Variants in SLC24A3 observed in about 807,000 individuals in gnomAD.
SLC24A3 encodes the protein solute carrier family 24 member 3.
A neutral mutation model predicts 75.8 loss-of-function variants in SLC24A3; 28 were observed. The ratio of observed to expected loss-of-function variants is 0.37; its 90% CI spans 0.27 to 0.51. The LOEUF is 0.51. SLC24A3 is among the 20% of genes least tolerant of loss of function. The pLI is 0.94. For synonymous variants in SLC24A3, 372 were observed against 334.1 expected (o/e 1.11, Z -1.24); for missense variants, 663 against 847.8 (o/e 0.78, Z 2.71).
At chr20:19,310,220 C>T (rs1344771423) in intron 2 of SLC24A3, among the ~76,000 whole-genome samples, 1 of 152,172 alleles carries the variant, frequency 6.6e-6, no homozygotes, top group Non-Finnish European at 1.5e-5. Flanking sequence ...ACATTCTAAA[C>T]CCTTGCTACT....
At chr20:19,692,709 A>T (rs922899348) in intron 12 of SLC24A3, among the ~76,000 whole-genome samples, 5 of 152,184 alleles carry the variant, frequency 3.3e-5, no homozygotes, top group African/African-American at 1.2e-4. Flanking sequence ...ATTAGCAGTT[A>T]ATCAGGTTAG....
chr20:19,467,710 A>G (rs1286015717), intron 2 of SLC24A3, among the ~76,000 whole-genome samples: 3 of 152,036 alleles, frequency 2.0e-5, no homozygotes, highest in Non-Finnish European at 2.9e-5. Flanking sequence ...GTGAAACCCC[A>G]TCTCCACTAA....
chr20:19,349,983 G>T (rs1469228079), intron 2 of SLC24A3, among the ~76,000 whole-genome samples: 7 of 152,252 alleles, frequency 4.6e-5, no homozygotes, highest in Middle Eastern at 3.4e-3. Context: ...TGTAAATGGC[G>T]TGTCCAACCA....
At chr20:19,261,431 T>G (rs1408213382) in intron 1 of SLC24A3, among the ~76,000 whole-genome samples, 3 of 152,132 alleles carry the variant, frequency 2.0e-5, no homozygotes, top group Non-Finnish European at 4.4e-5. Context: ...AGCCTCGAAC[T>G]CCTGGGCTCA....
At chr20:19,524,646 A>G (rs958340931) in intron 3 of SLC24A3, among the ~76,000 whole-genome samples, 5 of 152,024 alleles carry the variant, frequency 3.3e-5, no homozygotes, top group Non-Finnish European at 7.4e-5. Context: ...TACTCAGTCC[A>G]CCTGTTCCCC....
chr20:19,582,550 G>C (rs1023350190), intron 4 of SLC24A3, among the ~76,000 whole-genome samples: 6 of 152,222 alleles, frequency 3.9e-5, no homozygotes, highest in Non-Finnish European at 8.8e-5. Flanking sequence ...AATGATCCAG[G>C]ATCCGAAACT....
Position 19,411,910 on chromosome 20 carries a change from C to T in SLC24A3, c.272-103578C>T, listed in dbSNP as rs553223739. Among the ~76,000 whole-genome samples, 13 of 152,192 alleles carry T rather than the reference C, an allele frequency of 8.5e-5. No individual in the cohort carries two copies. The South Asian group carries it at 1.2e-3, about 15-fold the overall frequency. Reference sequence around the variant, plus strand: ...TCCTTTGTGTTCATCTCAGGACTGTCGGCATGTCAGAAATTCACAATGTGA... The same window carrying T: ...TCCTTTGTGTTCATCTCAGGACTGTTGGCATGTCAGAAATTCACAATGTGA... On this transcript the variant is annotated intron_variant, in intron 2 of 16. Coordinates refer to ENST00000328041, the MANE Select transcript of SLC24A3 (RefSeq NM_020689.4).
At chr20:19,449,004 T>C (rs1461341205) in intron 2 of SLC24A3, among the ~76,000 whole-genome samples, 1 of 152,092 alleles carries the variant, frequency 6.6e-6, no homozygotes, top group Non-Finnish European at 1.5e-5. Context: ...GATGGACACA[T>C]GTAGGGACCT....
chr20:19,476,162 G>A (rs1039505985), intron 2 of SLC24A3, among the ~76,000 whole-genome samples: 1 of 152,194 alleles, frequency 6.6e-6, no homozygotes, highest in Non-Finnish European at 1.5e-5. Flanking sequence ...TGTCTTCCTT[G>A]CTGGTGTTGC....
chr20:19,579,766 A>G (rs1043787245), intron 3 of SLC24A3, among the ~76,000 whole-genome samples: 4 of 152,224 alleles, frequency 2.6e-5, no homozygotes, highest in African/African-American at 9.6e-5. Context: ...ACAGGAATCC[A>G]TGACATGTTT....
At chr20:19,349,925 A>C (rs999652847) in intron 2 of SLC24A3, among the ~76,000 whole-genome samples, 12 of 152,250 alleles carry the variant, frequency 7.9e-5, no homozygotes, top group Admixed American at 6.5e-4. Flanking sequence ...ATATGTTTCT[A>C]AGCTTCAGAT....
chr20:19,274,873 A>G (rs1310474506), intron 1 of SLC24A3, among the ~76,000 whole-genome samples: 2 of 152,152 alleles, frequency 1.3e-5, no homozygotes, highest in Non-Finnish European at 2.9e-5. Context: ...AGCTGTGTAA[A>G]CTGTAGGGTG....
intron 6 of SLC24A3, among the ~76,000 whole-genome samples, chr20:19,591,571 G>C (rs1007614227): frequency 1.3e-5 from 2 of 151,802 alleles, no homozygotes; most frequent in African/African-American, 4.8e-5. Flanking sequence ...CCAGGAAAGA[G>C]AAAGAGGATG....
At chr20:19,510,885 A>G (rs527878797) in intron 2 of SLC24A3, among the ~76,000 whole-genome samples, 2 of 152,330 alleles carry the variant, frequency 1.3e-5, no homozygotes, top group Admixed American at 1.3e-4. Flanking sequence ...CTACACCCAG[A>G]CATGCGGATG....
intron 15 of SLC24A3, among the ~76,000 whole-genome samples, chr20:19,709,678 G>A (rs1050682390): frequency 2.0e-5 from 3 of 152,106 alleles, no homozygotes; most frequent in African/African-American, 4.8e-5. Flanking sequence ...GGTTCTTAGA[G>A]GGTAAAGGGA....
chr20:19,421,861 C>T (rs545166945), intron 2 of SLC24A3, among the ~76,000 whole-genome samples: 5 of 152,328 alleles, frequency 3.3e-5, no homozygotes, highest in Non-Finnish European at 5.9e-5. Context: ...CTTCCGGAGC[C>T]TCCACCCCAG....
At chr20:19,355,418 C>G (rs1435214309) in intron 2 of SLC24A3, among the ~76,000 whole-genome samples, 1 of 152,140 alleles carries the variant, frequency 6.6e-6, no homozygotes, top group East Asian at 1.9e-4. Flanking sequence ...AATTCCTGGG[C>G]TCAACATTCT....
At chr20:19,318,217 A>C (rs1480783758) in intron 2 of SLC24A3, among the ~76,000 whole-genome samples, 3 of 152,184 alleles carry the variant, frequency 2.0e-5, no homozygotes, top group Admixed American at 2.0e-4. Context: ...TGGATAACAC[A>C]AGCTTTATGG....
chr20:19,320,578 C>A (rs1171013494), intron 2 of SLC24A3, among the ~76,000 whole-genome samples: 1 of 152,086 alleles, frequency 6.6e-6, no homozygotes, highest in Non-Finnish European at 1.5e-5. Flanking sequence ...ATTATGGACA[C>A]ACACATGCAT....
Sources: gnomAD v4.1 joint callset for allele counts (sites outside exome capture counted in the v4.1 genomes callset) on GRCh38, gnomAD v4.1.1 for gene constraint, MANE v1.5 for transcripts, NCBI Gene and HGNC (gene_info 2026-07-23, HGNC 2026-07-21) for gene names.